The following KCTD10 variants were observed in gnomAD, a reference collection of about 807,000 sequenced individuals.
KCTD10 encodes BTB/POZ domain-containing adapter for CUL3-mediated RhoA degradation protein 3.
A neutral mutation model predicts 34.6 loss-of-function variants in KCTD10; 13 were observed. The observed-to-expected ratio is 0.38, with a 90% confidence interval of 0.24 to 0.60. KCTD10 has a LOEUF of 0.60. KCTD10 is among the 20% of genes least tolerant of loss of function. KCTD10 has a pLI of 0.66. For missense variants in KCTD10, 256 were observed against 420.3 expected (o/e 0.61, Z 3.42); for synonymous variants, 156 against 168.8 (o/e 0.92, Z 0.59).
chr12:109,474,840 G>GA (rs1253151328), intron 1 of KCTD10, among the ~76,000 whole-genome samples: 5 of 152,192 alleles, frequency 3.3e-5, no homozygotes, highest in South Asian at 4.2e-4. Flanking sequence ...AGTACAGTAG[G>GA]AAAAAACGCA....
intron 6 of KCTD10, among the ~76,000 whole-genome samples, chr12:109,455,053 A>G (rs1224811214): frequency 6.6e-6 from 1 of 151,938 alleles, no homozygotes; most frequent in East Asian, 1.9e-4. Flanking sequence ...AAAAAAAAAA[A>G]CAGTTCACAG....
chr12:109,462,737 C>T (rs1873399060), intron 2 of KCTD10, among the ~76,000 whole-genome samples: 1 of 152,192 alleles, frequency 6.6e-6, no homozygotes, highest in South Asian at 2.1e-4. Context: ...CTCTGATGTT[C>T]CATGCAATGC....
In KCTD10 at chr12:109,449,001, G is replaced by GAAACAAAC. The variant is rs72222515; in HGVS notation, c.*2586_*2593dup. 1.3e-5 allele frequency: 2 copies of GAAACAAAC among 151,984 alleles called. No individual in the cohort carries two copies. The highest frequency in any genetic ancestry group is 4.8e-5 in the African/African-American group (2 of 41,296). The allele number at this position is 151,984 out of a possible 1,614,324, so 9.4% of individuals were successfully genotyped here. A position where few individuals can be genotyped will look rare whatever the true frequency, so the allele number is the denominator to read the frequency against. On this transcript the variant is annotated 3_prime_UTR_variant, in exon 7 of 7. Transcript: ENST00000228495. ...GTCACCACAATCAGATGGCTTATTT[G>GAAACAAAC]AAACAAACAAACAAAAAAAACCCTT... is the stretch of plus-strand genomic sequence containing the variant.
At position 109,469,534 on chromosome 12, in the gene KCTD10, T is replaced by C. The variant is rs747890164; in HGVS notation, c.198A>G (p.Glu66=). ...MLKAMFSGRM[E]VLTDSEGWIL... is the part of the protein sequence containing the mutation. ...GCTTACCTTCACTGTCGGTGAGCACTTCCATGCGCCCGCTGAACATGGCCT... is the reference window on the plus strand; with the variant it reads ...GCTTACCTTCACTGTCGGTGAGCACCTCCATGCGCCCGCTGAACATGGCCT... Residue 66 remains glutamate, a synonymous_variant, in exon 2 of 7, where the codon GAA becomes GAG. Transcript: ENST00000228495. The C allele has an allele frequency of 3.7e-6, 6 of 1,614,036 alleles. No individual in the cohort carries two copies. The African/African-American group carries it at 6.7e-5, about 18-fold the overall frequency.
intron 2 of KCTD10, among the ~76,000 whole-genome samples, chr12:109,462,403 A>G (rs1033222711): frequency 2.0e-4 from 30 of 152,242 alleles, no homozygotes; most frequent in Non-Finnish European, 3.4e-4. Flanking sequence ...GGGAAATGCA[A>G]TACAAATGTA....
At chr12:109,456,060 G>A in intron 6 of KCTD10, 58 bp downstream of exon 6, 1 of 1,528,542 alleles carries the variant, frequency 6.5e-7, no homozygotes, top group Non-Finnish European at 9.0e-7. Flanking sequence ...GTGAAAGGAA[G>A]TTCTATAGGT....
chr12:109,451,709 G>A lies in KCTD10; in HGVS notation c.828C>T (p.Gly276=), dbSNP rs369423726. 2.7e-5 allele frequency: 43 copies of A among 1,614,002 alleles called. No individual in the cohort carries two copies. Among genetic ancestry groups the A allele is most frequent in the African/African-American group, 9.3e-5 (7 of 75,040 alleles). ...GGTGGTGGGAGCGCCCCGCCGCCCCGCCTGTGGCCTCCAGGAGCGCATTGT... is the reference window on the plus strand; with the variant it reads ...GGTGGTGGGAGCGCCCCGCCGCCCCACCTGTGGCCTCCAGGAGCGCATTGT... The part of the protein sequence containing the change: ...GPDNALLEAT[G]GAAGRSHHLD... Residue 276 remains glycine, a synonymous_variant, in exon 7 of 7, where the codon GGC becomes GGT. Coordinates refer to ENST00000228495, the MANE Select transcript of KCTD10 (RefSeq NM_031954.5). This position sits in a 1 kb window ranked among gnomAD's most constrained non-coding sequence, Gnocchi z 5.0.
At chr12:109,455,796 T>C (rs1213586960) in intron 6 of KCTD10, among the ~76,000 whole-genome samples, 1 of 152,056 alleles carries the variant, frequency 6.6e-6, no homozygotes, top group Non-Finnish European at 1.5e-5. Context: ...TGGAACGGCA[T>C]GGTGGGAGAA....
At chr12:109,477,127 C>A (rs1874404947) in intron 1 of KCTD10, 133 bp downstream of exon 1, 3 of 658,146 alleles carry the variant, frequency 4.6e-6, no homozygotes, top group East Asian at 1.0e-4. Context: ...CCTAACCAAT[C>A]CCCCAAATGC....
At chr12:109,455,742 G>A (rs550762838) in intron 6 of KCTD10, among the ~76,000 whole-genome samples, 52 of 152,320 alleles carry the variant, frequency 3.4e-4, no homozygotes, top group African/African-American at 1.2e-3. Context: ...CAATTAAGGG[G>A]GGGCCAGATC....
At chr12:109,470,552 A>G (rs190989397) in intron 1 of KCTD10, 1 of 985,430 alleles carries the variant, frequency 1.0e-6, no homozygotes, top group East Asian at 1.1e-4. Flanking sequence ...TGAACAGGTA[A>G]AACTGTAGAG....
chr12:109,465,424 T>C (rs941125060), intron 2 of KCTD10, among the ~76,000 whole-genome samples: 3 of 152,208 alleles, frequency 2.0e-5, no homozygotes, highest in African/African-American at 7.2e-5. Context: ...TGGACACTTG[T>C]GGTTCTCAAT....
intron 1 of KCTD10, chr12:109,470,735 G>A (rs762498722): frequency 4.1e-5 from 12 of 294,514 alleles, no homozygotes; most frequent in South Asian, 2.6e-4. Flanking sequence ...CATCATGTCC[G>A]GACACAGACA....
At chr12:109,462,473 C>CA (rs1482809249) in intron 2 of KCTD10, among the ~76,000 whole-genome samples, 2 of 152,254 alleles carry the variant, frequency 1.3e-5, no homozygotes, top group African/African-American at 4.8e-5. Context: ...CATGGTAAAT[C>CA]ACATCACCCT....
At chr12:109,465,121 A>G (rs990301016) in intron 2 of KCTD10, among the ~76,000 whole-genome samples, 2 of 152,212 alleles carry the variant, frequency 1.3e-5, no homozygotes, top group Admixed American at 1.3e-4. Context: ...GCACGGGGAA[A>G]GCGTTCAAGG....
In KCTD10 at chr12:109,464,908, T is replaced by C. The variant is rs555068484; in HGVS notation, c.218-4103A>G. 12 of 453,552 alleles carry C rather than the reference T, an allele frequency of 2.6e-5. No homozygotes were observed. The Admixed American group carries it at 2.9e-4, about 11-fold the overall frequency. The allele number at this position is 453,552 out of a possible 1,614,324, so 28.1% of individuals were successfully genotyped here. ...CTGCAATATCTAAGGAAGTAGAAGA[T>C]GCTGTCCCAATTCCCCTCCTGGGAA... On this transcript the variant is annotated intron_variant, in intron 2 of 6. Transcript: ENST00000228495.
intron 2 of KCTD10, among the ~76,000 whole-genome samples, chr12:109,463,070 G>A (rs936628767): frequency 6.6e-6 from 1 of 152,098 alleles, no homozygotes; most frequent in Non-Finnish European, 1.5e-5. Context: ...AGCAGGACTA[G>A]ACCACAAAGA....
At chr12:109,474,613 G>A (rs932044563) in intron 1 of KCTD10, among the ~76,000 whole-genome samples, 4 of 151,902 alleles carry the variant, frequency 2.6e-5, no homozygotes, top group Non-Finnish European at 5.9e-5. Flanking sequence ...ATTCTAAAAA[G>A]CACTGTACCC....
At position 109,470,239 on chromosome 12, in the gene KCTD10, A is replaced by AG. The variant is rs1437017029; in HGVS notation, c.4-512dup. Reference sequence around the variant, plus strand: ...AAGTGTCATTTTTCAGCTGCATCACAGATGAAATAAGCTTTATGAAGTTGA... The same window carrying AG: ...AAGTGTCATTTTTCAGCTGCATCACAGGATGAAATAAGCTTTATGAAGTTGA... On this transcript the variant is annotated intron_variant, in intron 1 of 6. Transcript: ENST00000228495. 5 of 986,238 alleles carry AG rather than the reference A, an allele frequency of 5.1e-6. No individual in the cohort carries two copies. In the African/African-American group the frequency reaches 8.7e-5, roughly 17 times the overall value. The allele number at this position is 986,238 out of a possible 1,614,324, so 61.1% of individuals were successfully genotyped here. A position where few individuals can be genotyped will look rare whatever the true frequency, so the allele number is the denominator to read the frequency against.
Sources: allele counts gnomAD v4.1 joint callset (sites outside exome capture counted in the v4.1 genomes callset), GRCh38; gene constraint gnomAD v4.1.1; non-coding constraint Gnocchi (gnomAD v3.1); transcripts MANE v1.5; gene names NCBI Gene and HGNC (gene_info 2026-07-23, HGNC 2026-07-21).